The following ZNF507 variants were observed in gnomAD, a reference collection of about 807,000 sequenced individuals.
The protein encoded by ZNF507 is zinc finger protein 507.
In ZNF507, 29 loss-of-function variants were observed where a neutral mutation model predicts 80.0. The observed-to-expected ratio is 0.36, with a 90% confidence interval of 0.27 to 0.49. The LOEUF is 0.49. ZNF507 is among the 20% of genes least tolerant of loss of function. The probability of loss-of-function intolerance (pLI) is 0.98; values close to 1 mark genes in which losing one functional copy is unlikely to be tolerated. For synonymous variants in ZNF507, 462 were observed against 422.5 expected (o/e 1.09, Z -1.15); for missense variants, 1,081 against 1,152.2 (o/e 0.94, Z 0.90).
chr19:32,354,112 C>T lies in ZNF507; in HGVS notation c.1282C>T (p.Leu428=), dbSNP rs539162666. The change falls in exon 3 of 7, where the codon CTG becomes TTG. Residue 428 remains leucine (L), a synonymous_variant. Transcript: ENST00000355898. ...AATGGAAGAAGGGAAGGACCTGAGCCTGACAGAAGCTCAGATTGGGCGCGA... is the reference window on the plus strand; with the variant it reads ...AATGGAAGAAGGGAAGGACCTGAGCTTGACAGAAGCTCAGATTGGGCGCGA... ...TEMEEGKDLS[L]TEAQIGREGM... is the part of the protein sequence containing the mutation. 1 of 1,613,606 alleles carries T rather than the reference C, an allele frequency of 6.2e-7. No homozygotes were observed. The highest frequency in any genetic ancestry group is 8.5e-7 in the Non-Finnish European group (1 of 1,180,020).
At chr19:32,356,781 TAAAAG>T (rs1426843058) in intron 4 of ZNF507, 48 bp downstream of exon 4, 1 of 1,424,236 alleles carries the variant, frequency 7.0e-7, no homozygotes, top group East Asian at 2.3e-5. Context: ...GCACATGACA[TAAAAG>T]TGCCCTTAGT....
At position 32,352,974 on chromosome 19, in the gene ZNF507, C is replaced by G; in HGVS notation, c.144C>G (p.Ile48Met). The G allele has an allele frequency of 6.2e-7, 1 of 1,614,020 alleles. No homozygotes were observed. The highest frequency in any genetic ancestry group is 1.1e-5 in the South Asian group (1 of 91,024). ...KTKPDPLIHVIQKLSKIVENE... is the reference protein window; with the variant it reads ...KTKPDPLIHVMQKLSKIVENE... ...AACCAGATCCATTAATCCATGTTAT[C>G]CAGAAGTTAAGCAAGATAGTGGAAA... The change falls in exon 3 of 7, where the codon ATC (isoleucine) becomes ATG (methionine). Residue 48 changes from isoleucine to methionine, a missense_variant. By Grantham distance (10) the Ile-to-Met change is conservative. This residue lies in a region of ZNF507 where 275 missense variants were observed against 303.9 expected (regional missense o/e 0.90). Transcript: ENST00000355898.
At chr19:32,362,671 T>C (rs1568305969) in intron 5 of ZNF507, among the ~76,000 whole-genome samples, 1 of 152,232 alleles carries the variant, frequency 6.6e-6, no homozygotes, top group South Asian at 2.1e-4. Flanking sequence ...GGATGTTTTC[T>C]TGTGTTCTTA....
In ZNF507 at chr19:32,354,690, C is replaced by T. The variant is rs147477647; in HGVS notation, c.1860C>T (p.Asn620=). The change falls in exon 3 of 7, where the codon AAC becomes AAT. Residue 620 remains asparagine, a synonymous_variant. Transcript: ENST00000355898. ...AGGACAACGCCCAGTGCCAACCCAA[C>T]AGCGATACAAGTTTGTCCGGAAACA... ...ELQDNAQCQP[N]SDTSLSGNNV... The T allele has an allele frequency of 9.3e-6, 15 of 1,614,086 alleles. No homozygotes were observed. The highest frequency in any genetic ancestry group is 1.3e-5 in the Non-Finnish European group (15 of 1,180,048).
At chr19:32,382,339 T>G (rs1003066821) in intron 5 of ZNF507, 128 bp from the exon 6 acceptor site, 41 of 1,173,788 alleles carry the variant, frequency 3.5e-5, no homozygotes, top group Non-Finnish European at 4.7e-5. Context: ...ACATCTTAGA[T>G]TCAGTGAAAT....
chr19:32,380,563 T>A (rs1256649306), intron 5 of ZNF507: 1 of 1,533,944 alleles, frequency 6.5e-7, no homozygotes, highest in East Asian at 2.4e-5. Context: ...GCCGTTTGAT[T>A]TTCTTTGTGC....
chr19:32,348,585 G>A (rs1393466526), intron 2 of ZNF507, among the ~76,000 whole-genome samples: 2 of 152,188 alleles, frequency 1.3e-5, no homozygotes, highest in African/African-American at 4.8e-5. Flanking sequence ...TTAATTAGAA[G>A]CATTTGCCTG....
intron 5 of ZNF507, among the ~76,000 whole-genome samples, chr19:32,370,783 G>A (rs1434507611): frequency 6.6e-6 from 1 of 152,036 alleles, no homozygotes; most frequent in African/African-American, 2.4e-5. Context: ...TGAGCTTTTG[G>A]TATCATAACC....
intron 5 of ZNF507, among the ~76,000 whole-genome samples, chr19:32,381,833 C>G (rs1967626967): frequency 6.6e-6 from 1 of 152,030 alleles, no homozygotes; most frequent in Admixed American, 6.6e-5. Flanking sequence ...TTCTGTAAAC[C>G]TAAAGGCATC....
chr19:32,362,566 G>T (rs1189019735), intron 5 of ZNF507, among the ~76,000 whole-genome samples: 1 of 152,214 alleles, frequency 6.6e-6, no homozygotes, highest in Non-Finnish European at 1.5e-5. Context: ...TAGGAAAAAG[G>T]TTAGCGATTC....
At chr19:32,373,670 G>A (rs1338665102) in intron 5 of ZNF507, among the ~76,000 whole-genome samples, 2 of 152,170 alleles carry the variant, frequency 1.3e-5, no homozygotes, top group Admixed American at 1.3e-4. Context: ...AGATCCTCTG[G>A]CTGCATATCC....
chr19:32,353,771 T>G lies in ZNF507; in HGVS notation c.941T>G (p.Leu314Arg). ...AVVIAIGESE[L>R]SIHNGPSVQV... ...GTCATTGCTATTGGAGAGAGTGAACTGAGTATCCACAATGGGCCATCAGTG... is the reference window on the plus strand; with the variant it reads ...GTCATTGCTATTGGAGAGAGTGAACGGAGTATCCACAATGGGCCATCAGTG... Residue 314 changes from leucine (L) to arginine (R), a missense_variant, in exon 3 of 7, where the codon CTG (leucine) becomes CGG (arginine). Coordinates refer to ENST00000355898, the MANE Select transcript of ZNF507 (RefSeq NM_001136156.2). The G allele has an allele frequency of 6.2e-7, 1 of 1,614,202 alleles. No homozygotes were observed. Among genetic ancestry groups the G allele is most frequent in the South Asian group, 1.1e-5 (1 of 91,082 alleles).
intron 4 of ZNF507, chr19:32,358,959 A>G (rs1336535365): frequency 1.3e-5 from 2 of 152,182 alleles, no homozygotes; most frequent in African/African-American, 2.4e-5. Flanking sequence ...TTTAAATCCA[A>G]TATTCTTTCC....
chr19:32,380,766 G>C (rs1432766843), intron 5 of ZNF507: 2 of 805,926 alleles, frequency 2.5e-6, no homozygotes, highest in Admixed American at 4.6e-5. Flanking sequence ...CCCAAATGAT[G>C]ACAACTTTTA....
At chr19:32,366,084 A>AT (rs1264797477) in intron 5 of ZNF507, among the ~76,000 whole-genome samples, 2 of 152,044 alleles carry the variant, frequency 1.3e-5, no homozygotes, top group Non-Finnish European at 2.9e-5. Context: ...AAAAATACCC[A>AT]TTTTCCCCTA....
At chr19:32,346,095 G>T (rs1427642670) in intron 1 of ZNF507, among the ~76,000 whole-genome samples, 1 of 152,190 alleles carries the variant, frequency 6.6e-6, no homozygotes, top group Non-Finnish European at 1.5e-5. Flanking sequence ...ATGTGAGATC[G>T]CTTAGGCCAG....
chr19:32,355,960 C>T (rs571183429), intron 3 of ZNF507, among the ~76,000 whole-genome samples: 2 of 152,204 alleles, frequency 1.3e-5, no homozygotes, highest in South Asian at 4.1e-4. Flanking sequence ...GATCATGCCG[C>T]TGCACTCCAG....
At chr19:32,345,858 T>G (rs968376260) in intron 1 of ZNF507, 75 bp downstream of exon 1, 1 of 152,218 alleles carries the variant, frequency 6.6e-6, no homozygotes, top group Non-Finnish European at 1.5e-5. Flanking sequence ...CCCTCAGGCC[T>G]CTGCCGGCGC....
intron 5 of ZNF507, among the ~76,000 whole-genome samples, chr19:32,364,632 A>G (rs1180953656): frequency 1.3e-5 from 2 of 152,346 alleles, no homozygotes. Context: ...AATAGTCTCT[A>G]ATCTCATCCA....
Sources: allele counts gnomAD v4.1 joint callset (sites outside exome capture counted in the v4.1 genomes callset), GRCh38; gene constraint gnomAD v4.1.1; regional missense constraint gnomAD v4.1.1; transcripts MANE v1.5; gene names NCBI Gene and HGNC (gene_info 2026-07-23, HGNC 2026-07-21).